ITSN1: variants seen among roughly 807,000 people sequenced by gnomAD.
ITSN1 encodes the protein intersectin 1.
ITSN1 carries 58 observed loss-of-function variants against 239.8 expected under a neutral mutation model. The observed-to-expected ratio is 0.24, with a 90% confidence interval of 0.20 to 0.30. The LOEUF (loss-of-function observed/expected upper bound fraction) is 0.30. Ranked by LOEUF, ITSN1 falls within the 10% of genes least tolerant of loss-of-function variation. The pLI is 1.00. For missense variants in ITSN1, 1,558 were observed against 2,103.3 expected (o/e 0.74, Z 5.07); for synonymous variants, 780 against 770.8 (o/e 1.01, Z -0.20).
At chr21:33,867,405 G>C in intron 33 of ITSN1, 74 bp downstream of exon 33, 1 of 833,702 alleles carries the variant, frequency 1.2e-6, no homozygotes, top group East Asian at 2.4e-5. Context: ...TCATGGACAA[G>C]ATTCCCAGTG....
chr21:33,726,472 T>A (rs1157538975), intron 4 of ITSN1, among the ~76,000 whole-genome samples: 1 of 151,798 alleles, frequency 6.6e-6, no homozygotes, highest in Non-Finnish European at 1.5e-5. Flanking sequence ...GCAGTCCTTG[T>A]GTCAGTCATC....
chr21:33,679,897 A>C (rs919621516), intron 1 of ITSN1, among the ~76,000 whole-genome samples: 1 of 151,868 alleles, frequency 6.6e-6, no homozygotes, highest in African/African-American at 2.4e-5. Context: ...ACGAGGTTTC[A>C]CCGTGTTAGC....
At chr21:33,813,205 G>A (rs2073031699) in intron 21 of ITSN1, among the ~76,000 whole-genome samples, 1 of 151,876 alleles carries the variant, frequency 6.6e-6, no homozygotes, top group Admixed American at 6.6e-5. Flanking sequence ...TTTTGAGACA[G>A]AGTCTTGCTC....
chr21:33,849,070 G>C (rs560976188), intron 29 of ITSN1, among the ~76,000 whole-genome samples: 1 of 151,992 alleles, frequency 6.6e-6, no homozygotes, highest in Non-Finnish European at 1.5e-5. Flanking sequence ...GTGAAACCCC[G>C]TCTCTACTAA....
chr21:33,766,927 G>A (rs1403943673), intron 10 of ITSN1, among the ~76,000 whole-genome samples: 1 of 152,234 alleles, frequency 6.6e-6, no homozygotes, highest in Non-Finnish European at 1.5e-5. Context: ...CAGCACGTTG[G>A]GAGGCCGAGG....
At chr21:33,881,840 G>A (rs1370515882) in intron 34 of ITSN1, among the ~76,000 whole-genome samples, 2 of 151,578 alleles carry the variant, frequency 1.3e-5, no homozygotes, top group African/African-American at 4.8e-5. Flanking sequence ...CACATGTGTT[G>A]GGGGGCTGAG....
chr21:33,752,292 A>T (rs1031318447), intron 7 of ITSN1, among the ~76,000 whole-genome samples: 1 of 152,142 alleles, frequency 6.6e-6, no homozygotes, highest in Non-Finnish European at 1.5e-5. Flanking sequence ...TTGTATGAAG[A>T]TTGGAGTTAT....
At chr21:33,644,168 A>G (rs1413063955) in intron 1 of ITSN1, among the ~76,000 whole-genome samples, 1 of 152,246 alleles carries the variant, frequency 6.6e-6, no homozygotes, top group African/African-American at 2.4e-5. Flanking sequence ...TGAGAACAAA[A>G]TATGTTTCTG....
At chr21:33,832,695 C>T (rs183608675) in intron 27 of ITSN1, among the ~76,000 whole-genome samples, 3 of 152,268 alleles carry the variant, frequency 2.0e-5, no homozygotes, top group Non-Finnish European at 4.4e-5. Flanking sequence ...CAGTCATCGG[C>T]AGGTTCACTG....
intron 24 of ITSN1, 75 bp downstream of exon 24, chr21:33,819,398 T>C: frequency 2.8e-6 from 3 of 1,086,032 alleles, no homozygotes; most frequent in South Asian, 1.3e-5. Flanking sequence ...GAGATTGAAT[T>C]TCATCTTAAG....
Position 33,797,688 on chromosome 21 carries a change from A to C in ITSN1, c.2182+80A>C. ...TCCTGAAAAATGCCCCTATCTCATCAGTACCTGTCTTGGCTACATTAACAG... is the reference window on the plus strand; with the variant it reads ...TCCTGAAAAATGCCCCTATCTCATCCGTACCTGTCTTGGCTACATTAACAG... On this transcript the variant is annotated intron_variant, in intron 18 of 39. Coordinates refer to ENST00000381318, the MANE Select transcript of ITSN1 (RefSeq NM_003024.3). The surrounding 1 kb of genome is among the most constrained non-coding windows in gnomAD (Gnocchi z 4.9). 2 of 1,076,068 alleles carry C rather than the reference A, an allele frequency of 1.9e-6. No individual in the cohort carries two copies. Among genetic ancestry groups the C allele is most frequent in the Non-Finnish European group, 2.8e-6 (2 of 723,902 alleles). 66.7% of individuals were successfully genotyped at this position (1,076,068 alleles called of 1,614,324 possible). A position where few individuals can be genotyped will look rare whatever the true frequency, so the allele number is the denominator to read the frequency against.
At chr21:33,839,985 C>G (rs1211533079) in intron 29 of ITSN1, among the ~76,000 whole-genome samples, 1 of 152,152 alleles carries the variant, frequency 6.6e-6, no homozygotes, top group African/African-American at 2.4e-5. Flanking sequence ...AAGCGCAGGT[C>G]TCACCCCACT....
intron 2 of ITSN1, among the ~76,000 whole-genome samples, chr21:33,719,913 C>T (rs986121981): frequency 9.9e-5 from 15 of 152,136 alleles, no homozygotes; most frequent in Non-Finnish European, 8.8e-5. Context: ...TTAAAAAATA[C>T]TTATTAAAAG....
At chr21:33,843,728 C>A (rs1331257314) in intron 29 of ITSN1, among the ~76,000 whole-genome samples, 2 of 152,226 alleles carry the variant, frequency 1.3e-5, no homozygotes, top group Non-Finnish European at 2.9e-5. Context: ...GGCTAAGGAG[C>A]AATCCAGGAT....
intron 20 of ITSN1, among the ~76,000 whole-genome samples, chr21:33,807,617 C>T (rs1411023710): frequency 6.6e-6 from 1 of 152,192 alleles, no homozygotes; most frequent in East Asian, 1.9e-4. Flanking sequence ...AGCCACTGCA[C>T]CTGGCCTAAA....
chr21:33,824,798 C>T (rs1008135663), intron 25 of ITSN1, among the ~76,000 whole-genome samples: 1 of 152,112 alleles, frequency 6.6e-6, no homozygotes, highest in Non-Finnish European at 1.5e-5. Context: ...TTTGGTTTTT[C>T]TTGCTGCGGT....
At position 33,810,978 on chromosome 21, in the gene ITSN1, G is replaced by A; in HGVS notation, c.2323G>A (p.Asp775Asn). 1 of 1,614,202 alleles carries A rather than the reference G, an allele frequency of 6.2e-7. No individual in the cohort carries two copies. Among genetic ancestry groups the A allele is most frequent in the Non-Finnish European group, 8.5e-7 (1 of 1,180,036 alleles). Reference protein sequence around the residue: ...DIVMVKGEWVDESQTGEPGWL... With the variant: ...DIVMVKGEWVNESQTGEPGWL... ...AAAGCTGTGACTTTTTCCACAGGTG[G>A]ATGAAAGCCAAACTGGAGAACCCGG... The change falls in exon 21 of 40, where the codon GAT becomes AAT. Residue 775 changes from aspartate (D) to asparagine (N), a missense_variant. Asp to Asn is a conservative substitution (Grantham distance 23). Coordinates refer to ENST00000381318, the MANE Select transcript of ITSN1 (RefSeq NM_003024.3).
chr21:33,820,516 A>G (rs1288446981), intron 24 of ITSN1, among the ~76,000 whole-genome samples: 1 of 152,224 alleles, frequency 6.6e-6, no homozygotes. Flanking sequence ...AACCTTGCCC[A>G]GTGAAAAACA....
chr21:33,735,461 T>G, intron 5 of ITSN1: 2 of 435,004 alleles, frequency 4.6e-6, no homozygotes, highest in East Asian at 4.7e-5. Flanking sequence ...AAACTTACAG[T>G]CCGCTGCTGC....
Sources: allele counts gnomAD v4.1 joint callset (sites outside exome capture counted in the v4.1 genomes callset), GRCh38; gene constraint gnomAD v4.1.1; non-coding constraint Gnocchi (gnomAD v3.1); transcripts MANE v1.5; gene names NCBI Gene and HGNC (gene_info 2026-07-23, HGNC 2026-07-21).